Variants in PEX26 observed in about 807,000 individuals in gnomAD.
PEX26 encodes the protein peroxisomal biogenesis factor 26, also known as peroxisome assembly protein 26.
A neutral mutation model predicts 31.4 loss-of-function variants in PEX26; 18 were observed. That is an observed-to-expected ratio of 0.57 (90% confidence interval 0.40 to 0.85). The LOEUF (loss-of-function observed/expected upper bound fraction) is 0.85, where lower values mean the gene tolerates loss of function less well. PEX26 is among the 40% of genes least tolerant of loss of function. PEX26 has a pLI of 0.00. For missense variants in PEX26, 377 were observed against 383.9 expected (o/e 0.98, Z 0.15); for synonymous variants, 176 against 166.9 (o/e 1.05, Z -0.42).
chr22:18,082,147 C>T (rs1229093120), intron 2 of PEX26, among the ~76,000 whole-genome samples: 1 of 137,130 alleles, frequency 7.3e-6, no homozygotes, highest in East Asian at 2.4e-4. Flanking sequence ...CAAATATTTT[C>T]TCCCATTCTG....
Position 18,090,764 on chromosome 22 carries a change from T to A in PEX26, c.*2689T>A, listed in dbSNP as rs1329583505. On this transcript the variant is annotated 3_prime_UTR_variant, in exon 5 of 5. Coordinates refer to ENST00000399744, the MANE Select transcript of PEX26 (RefSeq NM_001127649.3). ...AGGAACCAGTAATCCTCTTCTGTGG[T>A]GGGATGGGAGGGTGGGGGAGAGGGG... is the stretch of plus-strand genomic sequence containing the variant. 1 of 44,136 alleles carries A rather than the reference T, an allele frequency of 2.3e-5. No individual in the cohort carries two copies. The highest frequency in any genetic ancestry group is 7.9e-5 in the African/African-American group (1 of 12,668). 2.7% of individuals were successfully genotyped at this position (44,136 alleles called of 1,614,324 possible).
chr22:18,078,072 GC>G lies in PEX26; in HGVS notation c.-302del, dbSNP rs1569185441. ...GGTGAGTCTTTGATCGTAACCAGGA[GC>G]CCGGAGCTGAGGCAGTTCCTGCACG... is the stretch of plus-strand genomic sequence containing the variant. On this transcript the variant is annotated 5_prime_UTR_variant, in exon 1 of 5. The change creates a premature stop within an existing upstream ORF in the 5' untranslated region. Transcript: ENST00000399744. 1 of 559,294 alleles carries G rather than the reference GC, an allele frequency of 1.8e-6. No individual in the cohort carries two copies. Among genetic ancestry groups the G allele is most frequent in the Non-Finnish European group, 3.4e-6 (1 of 294,806 alleles). The allele number at this position is 559,294 out of a possible 1,614,324, so 34.6% of individuals were successfully genotyped here. A position where few individuals can be genotyped will look rare whatever the true frequency, so the allele number is the denominator to read the frequency against.
rs569955572 is a variant in PEX26 at position 18,102,057 on chromosome 22, A to G, written c.*13982A>G. 1 of 152,240 alleles carries G rather than the reference A, an allele frequency of 6.6e-6. No individual in the cohort carries two copies. Among genetic ancestry groups the G allele is most frequent in the Non-Finnish European group, 1.5e-5 (1 of 68,104 alleles). The allele number at this position is 152,240 out of a possible 1,614,324, so 9.4% of individuals were successfully genotyped here. On this transcript the variant is annotated 3_prime_UTR_variant, in exon 5 of 5. Coordinates refer to ENST00000399744, the MANE Select transcript of PEX26 (RefSeq NM_001127649.3). Reference sequence around the variant, plus strand: ...CAATTTCACAAGGAAAATCACTAAAATGTGCGTCTCTTCATTTAAAAGAAA... The same window carrying G: ...CAATTTCACAAGGAAAATCACTAAAGTGTGCGTCTCTTCATTTAAAAGAAA...
rs1013841198 is a variant in PEX26, at chr22:18,103,279, G to C, written c.*15204G>C. On this transcript the variant is annotated 3_prime_UTR_variant, in exon 5 of 5. Transcript: ENST00000399744. ...GAATAGGGTGACCATTGTTAACACT[G>C]TATTGGGTGTTTCAAAATAGACGGA... is the stretch of plus-strand genomic sequence containing the variant. The C allele has an allele frequency of 2.0e-5, 3 of 151,942 alleles. No individual in the cohort carries two copies. The highest frequency in any genetic ancestry group is 4.8e-5 in the African/African-American group (2 of 41,344). The allele number at this position is 151,942 out of a possible 1,614,324, so 9.4% of individuals were successfully genotyped here.
intron 3 of PEX26, 71 bp downstream of exon 3, chr22:18,083,803 G>C (rs892829887): frequency 8.5e-6 from 12 of 1,415,028 alleles, no homozygotes; most frequent in Non-Finnish European, 1.2e-5. Context: ...GGGGTCTGTC[G>C]TGAAACTCCT....
chr22:18,093,518 G>A lies in PEX26; in HGVS notation c.*5443G>A. ...GCGGAGCTTGCAGTGAGCCTAGATG[G>A]CGCCACTGCACTCCAGCCTGGGGGA... On this transcript the variant is annotated 3_prime_UTR_variant, in exon 5 of 5. Coordinates refer to ENST00000399744, the MANE Select transcript of PEX26 (RefSeq NM_001127649.3). 6.6e-6 allele frequency: 1 copy of A among 151,522 alleles called. No homozygotes were observed. The highest frequency in any genetic ancestry group is 1.5e-5 in the Non-Finnish European group (1 of 67,924). 9.4% of individuals were successfully genotyped at this position (151,522 alleles called of 1,614,324 possible). A position where few individuals can be genotyped will look rare whatever the true frequency, so the allele number is the denominator to read the frequency against.
Position 18,079,874 on chromosome 22 carries a change from CT to C in PEX26, c.232del (p.Ser78HisfsTer4), listed in dbSNP as rs1926476641. 2 of 1,613,976 alleles carry C rather than the reference CT, an allele frequency of 1.2e-6. No individual in the cohort carries two copies. Among genetic ancestry groups the C allele is most frequent in the Admixed American group, 3.3e-5 (2 of 59,992 alleles). On this transcript the variant is annotated frameshift_variant and splice_region_variant, in exon 2 of 5. Coordinates refer to ENST00000399744, the MANE Select transcript of PEX26 (RefSeq NM_001127649.3). LOFTEE classifies it high-confidence loss of function. ...CTGAAATTGGTTTTTCTGCTGACAG[CT>C]CATTGGAGGTGAAGTGCTCCCTGTG... is the stretch of plus-strand genomic sequence containing the variant. Reference protein sequence around the residue: ...HAVAEEPAGTSLEVKCSLCVV... With the variant: ...HAVAEEPAGTXLEVKCSLCVV...
chr22:18,079,754 A>T, intron 1 of PEX26, 120 bp from the exon 2 acceptor site: 1 of 1,140,542 alleles, frequency 8.8e-7, no homozygotes, highest in East Asian at 2.4e-5. Flanking sequence ...AAATACTAAC[A>T]GGGATGAGAG....
chr22:18,088,085 C>G lies in PEX26; in HGVS notation c.*10C>G, dbSNP rs117472525. 7 of 1,547,554 alleles carry G rather than the reference C, an allele frequency of 4.5e-6. No individual in the cohort carries two copies. The highest frequency in any genetic ancestry group is 6.2e-6 in the Non-Finnish European group (7 of 1,121,150). On this transcript the variant is annotated 3_prime_UTR_variant, in exon 5 of 5. Coordinates refer to ENST00000399744, the MANE Select transcript of PEX26 (RefSeq NM_001127649.3). The surrounding 1 kb of genome is among the most constrained non-coding windows in gnomAD (Gnocchi z 4.1). ...CCGCATCCGTGACTGAGGGTCCCTG[C>G]GCACCACAGCCTCTCTGCTCCTCAC...
rs1926971177 is a variant in PEX26, at chr22:18,089,096, CTT to C, written c.*1023_*1024del. 6.5e-6 allele frequency: 1 copy of C among 153,048 alleles called. No homozygotes were observed. Among genetic ancestry groups the C allele is most frequent in the Non-Finnish European group, 1.5e-5 (1 of 68,362 alleles). 9.5% of individuals were successfully genotyped at this position (153,048 alleles called of 1,614,324 possible). On this transcript the variant is annotated 3_prime_UTR_variant, in exon 5 of 5. Coordinates refer to ENST00000399744, the MANE Select transcript of PEX26 (RefSeq NM_001127649.3). Reference sequence around the variant, plus strand: ...GTTACGCTCAGTGCCTCTGCCCACTCTTTCCCCGCCAGCCCTTCCCTCCCGCC... The same window carrying C: ...GTTACGCTCAGTGCCTCTGCCCACTCTCCCCGCCAGCCCTTCCCTCCCGCC...
At chr22:18,078,755 A>C (rs879608800) in intron 1 of PEX26, 149 bp downstream of exon 1, 9 of 769,112 alleles carry the variant, frequency 1.2e-5, no homozygotes, top group Non-Finnish European at 2.0e-5. Context: ...GTGGTCGCTC[A>C]TCGTGTGCCC....
At chr22:18,084,667 A>T (rs1228505855) in intron 3 of PEX26, among the ~76,000 whole-genome samples, 2 of 152,112 alleles carry the variant, frequency 1.3e-5, no homozygotes, top group Non-Finnish European at 2.9e-5. Flanking sequence ...TTGCAAGAGT[A>T]TGTGCAGTTA....
In PEX26 at chr22:18,088,256, G is replaced by C. The variant is rs760612663; in HGVS notation, c.*181G>C. On this transcript the variant is annotated 3_prime_UTR_variant, in exon 5 of 5. Transcript: ENST00000399744. The surrounding 1 kb of genome is among the most constrained non-coding windows in gnomAD (Gnocchi z 4.1). ...CACCCTACTTCGGCTGGTCGCGGTAGATGATGTGGAAACAAAGCAGGACCA... is the reference window on the plus strand; with the variant it reads ...CACCCTACTTCGGCTGGTCGCGGTACATGATGTGGAAACAAAGCAGGACCA... 1.4e-6 allele frequency: 1 copy of C among 697,406 alleles called. No homozygotes were observed. The highest frequency in any genetic ancestry group is 2.7e-5 in the East Asian group (1 of 36,996). The allele number at this position is 697,406 out of a possible 1,614,324, so 43.2% of individuals were successfully genotyped here.
In PEX26 at chr22:18,101,886, C is replaced by T. The variant is rs943682853; in HGVS notation, c.*13811C>T. On this transcript the variant is annotated 3_prime_UTR_variant, in exon 5 of 5. Transcript: ENST00000399744. ...TGGCATGATTGAGGGTGACACATCA[C>T]GGCAGATGATGGCTGAGGAGACATT... 21 of 159,764 alleles carry T rather than the reference C, an allele frequency of 1.3e-4. No individual in the cohort carries two copies. Among genetic ancestry groups the T allele is most frequent in the Non-Finnish European group, 2.2e-4 (16 of 72,820 alleles). 9.9% of individuals were successfully genotyped at this position (159,764 alleles called of 1,614,324 possible). A position where few individuals can be genotyped will look rare whatever the true frequency, so the allele number is the denominator to read the frequency against.
At position 18,085,126 on chromosome 22, in the gene PEX26, A is replaced by G. The variant is rs760097991; in HGVS notation, c.682A>G (p.Lys228Glu). Residue 228 changes from lysine (K) to glutamate (E), a missense_variant, in exon 4 of 5, where the codon AAG becomes GAG. Lys to Glu is a moderately conservative substitution (Grantham distance 56). Coordinates refer to ENST00000399744, the MANE Select transcript of PEX26 (RefSeq NM_001127649.3). ...KPNLEGSVSH[K>E]FLSLPMLVRQ... is the part of the protein sequence containing the mutation. ...TCCCTGGCCAGGCTCTGTCTCCCAC[A>G]AGTTCCTGTCACTACCGATGTTGGT... 6.2e-7 allele frequency: 1 copy of G among 1,614,042 alleles called. No homozygotes were observed. The highest frequency in any genetic ancestry group is 8.5e-7 in the Non-Finnish European group (1 of 1,179,992).
rs1196519834 is a variant in PEX26 at position 18,104,905 on chromosome 22, A to T, written c.*16830A>T. ...CAGTGGCCAAAATGGTTCACCCTCA[A>T]CTTCCCTTAATCCCCTGCAGCATCT... is the stretch of plus-strand genomic sequence containing the variant. On this transcript the variant is annotated 3_prime_UTR_variant, in exon 5 of 5. Transcript: ENST00000399744. The T allele has an allele frequency of 6.6e-6, 1 of 152,112 alleles. No homozygotes were observed. The highest frequency in any genetic ancestry group is 2.4e-5 in the African/African-American group (1 of 41,382). 9.4% of individuals were successfully genotyped at this position (152,112 alleles called of 1,614,324 possible). A position where few individuals can be genotyped will look rare whatever the true frequency, so the allele number is the denominator to read the frequency against.
Position 18,101,995 on chromosome 22 carries a change from A to G in PEX26, c.*13920A>G, listed in dbSNP as rs1240465778. 6.5e-6 allele frequency: 1 copy of G among 152,912 alleles called. No individual in the cohort carries two copies. Among genetic ancestry groups the G allele is most frequent in the African/African-American group, 2.4e-5 (1 of 41,460 alleles). 9.5% of individuals were successfully genotyped at this position (152,912 alleles called of 1,614,324 possible). A position where few individuals can be genotyped will look rare whatever the true frequency, so the allele number is the denominator to read the frequency against. ...AGATGGAGTGGGTAGAGATTCAGGTATGGAGATGTCAGTGTCTAACTTTCT... is the reference window on the plus strand; with the variant it reads ...AGATGGAGTGGGTAGAGATTCAGGTGTGGAGATGTCAGTGTCTAACTTTCT... On this transcript the variant is annotated 3_prime_UTR_variant, in exon 5 of 5. Coordinates refer to ENST00000399744, the MANE Select transcript of PEX26 (RefSeq NM_001127649.3).
chr22:18,097,590 C>T lies in PEX26; in HGVS notation c.*9515C>T, dbSNP rs939428116. 4 of 151,626 alleles carry T rather than the reference C, an allele frequency of 2.6e-5. No individual in the cohort carries two copies. Among genetic ancestry groups the T allele is most frequent in the African/African-American group, 7.3e-5 (3 of 41,258 alleles). 9.4% of individuals were successfully genotyped at this position (151,626 alleles called of 1,614,324 possible). ...AGCCATTAGTTTTAAATTTACTCTT[C>T]CAGAGGTAAATTTAATACACCAATA... On this transcript the variant is annotated 3_prime_UTR_variant, in exon 5 of 5. Coordinates refer to ENST00000399744, the MANE Select transcript of PEX26 (RefSeq NM_001127649.3).
intron 4 of PEX26, among the ~76,000 whole-genome samples, chr22:18,087,215 C>T (rs1280431376): frequency 6.6e-6 from 1 of 152,194 alleles, no homozygotes; most frequent in Admixed American, 6.5e-5. Context: ...GCTGGGATTA[C>T]AGGCACACAC....
Sources: gnomAD v4.1 joint callset for allele counts (sites outside exome capture counted in the v4.1 genomes callset) on GRCh38, gnomAD v4.1.1 for gene constraint, Gnocchi (gnomAD v3.1) non-coding constraint, MANE v1.5 for transcripts, NCBI Gene and HGNC (gene_info 2026-07-23, HGNC 2026-07-21) for gene names.